Variants in STXBP5L observed in about 807,000 individuals in gnomAD.
STXBP5L encodes syntaxin-binding protein 5-like.
A neutral mutation model predicts 144.5 loss-of-function variants in STXBP5L; 65 were observed. That is an observed-to-expected ratio of 0.45 (90% CI 0.37 to 0.55). The LOEUF is 0.55. Ranked by LOEUF, STXBP5L falls within the 20% of genes least tolerant of loss-of-function variation. STXBP5L has a pLI of 0.00. For missense variants in STXBP5L, 1,298 were observed against 1,405.5 expected (o/e 0.92, Z 1.22); for synonymous variants, 505 against 469.6 (o/e 1.08, Z -0.97).
chr3:121,001,405 A>G (rs958280670), intron 3 of STXBP5L, among the ~76,000 whole-genome samples: 1 of 152,176 alleles, frequency 6.6e-6, no homozygotes, highest in African/African-American at 2.4e-5. Flanking sequence ...CACAGGCACG[A>G]TAGCTCTGTT....
At chr3:120,991,232 G>A (rs1224735035) in intron 3 of STXBP5L, among the ~76,000 whole-genome samples, 155 of 151,874 alleles carry the variant, frequency 1.0e-3, no homozygotes, top group Admixed American at 4.0e-3. Flanking sequence ...ATGAAAAAAT[G>A]CTCATCATCA....
chr3:121,127,433 G>A (rs2044760836), intron 7 of STXBP5L, among the ~76,000 whole-genome samples: 1 of 151,878 alleles, frequency 6.6e-6, no homozygotes, highest in Non-Finnish European at 1.5e-5. Context: ...AGACTCTAGG[G>A]GAGACTTCTT....
At chr3:121,314,015 C>T (rs959472485) in intron 19 of STXBP5L, among the ~76,000 whole-genome samples, 9 of 151,216 alleles carry the variant, frequency 6.0e-5, no homozygotes, top group South Asian at 2.1e-4. Context: ...CAGGCAGAGA[C>T]GCTCCTCACT....
chr3:121,090,148 C>T (rs751733172), intron 5 of STXBP5L, among the ~76,000 whole-genome samples: 3 of 151,980 alleles, frequency 2.0e-5, no homozygotes, highest in African/African-American at 4.8e-5. Context: ...CCTGGACATT[C>T]CAGGCATTGT....
chr3:121,098,572 C>T (rs1274209993), intron 5 of STXBP5L, among the ~76,000 whole-genome samples: 2 of 152,200 alleles, frequency 1.3e-5, no homozygotes, highest in South Asian at 2.1e-4. Flanking sequence ...TCAGACATCA[C>T]ATTTCAACAT....
chr3:120,990,725 G>C (rs943768827), intron 3 of STXBP5L, among the ~76,000 whole-genome samples: 1 of 152,156 alleles, frequency 6.6e-6, no homozygotes, highest in African/African-American at 2.4e-5. Flanking sequence ...AACAAGAAAT[G>C]GGGAAAAGAT....
chr3:121,307,585 C>T (rs950484381), intron 19 of STXBP5L, among the ~76,000 whole-genome samples: 1 of 151,870 alleles, frequency 6.6e-6, no homozygotes, highest in African/African-American at 2.4e-5. Context: ...AAAATAACAA[C>T]CAGTAAACTT....
At chr3:121,087,003 C>T (rs1048779490) in intron 5 of STXBP5L, among the ~76,000 whole-genome samples, 1 of 151,890 alleles carries the variant, frequency 6.6e-6, no homozygotes, top group African/African-American at 2.4e-5. Flanking sequence ...TTGTATCTTT[C>T]TTTTACTGAT....
rs775082075 is a variant in STXBP5L at position 121,407,530 on chromosome 3, G to A, written c.2875G>A (p.Ala959Thr). The A allele has an allele frequency of 1.2e-6, 2 of 1,613,376 alleles. No homozygotes were observed. The highest frequency in any genetic ancestry group is 3.3e-5 in the Admixed American group (2 of 59,888). The change falls in exon 23 of 27, where the codon GCA becomes ACA. Residue 959 changes from alanine to threonine, a missense_variant. Ala to Thr is a moderately conservative substitution (Grantham distance 58, BLOSUM62 0). Transcript: ENST00000471454. ...CACGGAGACATCTTTTATACTGCAA[G>A]CAAATGTGGTGGTCATGTGTAGCAG... ...NITETSFILQ[A>T]NVVVMCSSAC...
At chr3:121,260,195 A>G (rs1205012667) in intron 18 of STXBP5L, among the ~76,000 whole-genome samples, 2 of 152,046 alleles carry the variant, frequency 1.3e-5, no homozygotes, top group Non-Finnish European at 2.9e-5. Flanking sequence ...GTATATCTTA[A>G]GTGAAATTGA....
At chr3:121,116,644 A>G (rs535765637) in intron 6 of STXBP5L, among the ~76,000 whole-genome samples, 1 of 152,046 alleles carries the variant, frequency 6.6e-6, no homozygotes, top group Non-Finnish European at 1.5e-5. Context: ...TTTCAAGATA[A>G]TTGGTGTGAG....
At chr3:121,329,201 C>T (rs2044246742) in intron 20 of STXBP5L, among the ~76,000 whole-genome samples, 1 of 151,958 alleles carries the variant, frequency 6.6e-6, no homozygotes, top group Admixed American at 6.6e-5. Context: ...GGTAAAAGTC[C>T]CGTAGGTTGG....
intron 9 of STXBP5L, among the ~76,000 whole-genome samples, chr3:121,191,772 A>T (rs1327954644): frequency 6.6e-6 from 1 of 152,222 alleles, no homozygotes; most frequent in African/African-American, 2.4e-5. Context: ...GCAGCCATAT[A>T]AAAGGATGAG....
intron 19 of STXBP5L, among the ~76,000 whole-genome samples, chr3:121,291,134 T>G (rs1240227218): frequency 6.6e-6 from 1 of 152,130 alleles, no homozygotes; most frequent in Non-Finnish European, 1.5e-5. Context: ...ATGATAAGAT[T>G]GTATGCCTAG....
At chr3:121,007,835 G>C (rs1944460893) in intron 3 of STXBP5L, among the ~76,000 whole-genome samples, 1 of 151,870 alleles carries the variant, frequency 6.6e-6, no homozygotes, top group Non-Finnish European at 1.5e-5. Flanking sequence ...ATCTTCTACA[G>C]ATACACATCT....
intron 5 of STXBP5L, among the ~76,000 whole-genome samples, chr3:121,093,657 C>A (rs543645940): frequency 4.6e-5 from 7 of 152,180 alleles, no homozygotes; most frequent in African/African-American, 1.7e-4. Flanking sequence ...TTTGATTCTT[C>A]TCTCTTTTTT....
At chr3:121,279,779 C>A in intron 18 of STXBP5L, 26 bp from the exon 19 acceptor site, 1 of 1,608,394 alleles carries the variant, frequency 6.2e-7, no homozygotes, top group South Asian at 1.1e-5. Context: ...GTGATACATT[C>A]TAGTTGTATT....
chr3:121,419,023 T>C, intron 26 of STXBP5L, 33 bp from the exon 27 acceptor site: 4 of 1,604,470 alleles, frequency 2.5e-6, no homozygotes, highest in Non-Finnish European at 3.4e-6. Flanking sequence ...TAAAGTATTT[T>C]AGCGTCTTAT....
At chr3:120,949,522 T>C (rs889857319) in intron 2 of STXBP5L, among the ~76,000 whole-genome samples, 1 of 152,160 alleles carries the variant, frequency 6.6e-6, no homozygotes, top group Admixed American at 6.6e-5. Flanking sequence ...TTTCCAATGT[T>C]ATCTTCTAGG....
Sources: gnomAD v4.1 joint callset for allele counts (sites outside exome capture counted in the v4.1 genomes callset) on GRCh38, gnomAD v4.1.1 for gene constraint, MANE v1.5 for transcripts, NCBI Gene and HGNC (gene_info 2026-07-23, HGNC 2026-07-21) for gene names.